Variants in TNC observed in about 807,000 individuals in gnomAD.
TNC encodes tenascin C, also known as tenascin.
TNC carries 109 observed loss-of-function variants against 202.4 expected under a neutral mutation model. That is an observed-to-expected ratio of 0.54 (90% CI 0.46 to 0.63). The LOEUF is 0.63. Among genes scored for constraint, TNC ranks in the 30% least tolerant of loss-of-function variants. TNC has a pLI of 0.00. For synonymous variants in TNC, 1,007 were observed against 1,089.7 expected (o/e 0.92, Z 1.50); for missense variants, 2,756 against 2,833.3 (o/e 0.97, Z 0.62).
At chr9:115,071,212 G>A (rs1537012) in intron 10 of TNC, among the ~76,000 whole-genome samples, 41,152 of 152,176 alleles carry the variant, frequency 0.27, 5,931 homozygotes, top group African/African-American at 0.37. Flanking sequence ...AGGGAAAGAA[G>A]CGTCTGCTTC....
chr9:115,026,434 G>T (rs1829486666), intron 26 of TNC, 100 bp downstream of exon 26: 4 of 1,277,472 alleles, frequency 3.1e-6, no homozygotes, highest in Admixed American at 2.2e-5. Flanking sequence ...TTAATAAATT[G>T]CTGGATTAAT....
chr9:115,023,615 AT>A, intron 27 of TNC, among the ~76,000 whole-genome samples: 1 of 152,348 alleles, frequency 6.6e-6, no homozygotes, highest in East Asian at 1.9e-4. Context: ...GATTCCAAAG[AT>A]GCCCCAGGCC....
chr9:115,041,375 G>A lies in TNC; in HGVS notation c.5249-291C>T, dbSNP rs530678944. On this transcript the variant is annotated intron_variant, in intron 18 of 27. Transcript: ENST00000350763. ...TTTCCGTTCAGTAGAGAGCTGGCAC[G>A]TTGTGCAAATTTTATCTTATTATTT... is the stretch of plus-strand genomic sequence containing the variant. Among the ~76,000 whole-genome samples the A allele has an allele frequency of 6.0e-5, 9 of 151,214 alleles. No homozygotes were observed. In the East Asian group the frequency reaches 9.8e-4, roughly 16 times the overall value.
rs1377727611 is a variant in TNC at position 115,087,193 on chromosome 9, A to G, written c.538T>C (p.Trp180Arg). ...EGCGCVCEPGWKGPNCSEPEC... is the reference protein window; with the variant it reads ...EGCGCVCEPGRKGPNCSEPEC... ...GGCTCAGAGCAGTTGGGGCCTTTCCAGCCAGGTTCGCAGACACAGCCACAT... is the reference window on the plus strand; with the variant it reads ...GGCTCAGAGCAGTTGGGGCCTTTCCGGCCAGGTTCGCAGACACAGCCACAT... Residue 180 changes from tryptophan to arginine, a missense_variant, in exon 3 of 28, where the codon TGG becomes CGG. This residue lies in a region of TNC where 2,559 missense variants were observed against 2,546.0 expected (regional missense o/e 1.01). Transcript: ENST00000350763. 3 of 1,614,098 alleles carry G rather than the reference A, an allele frequency of 1.9e-6. No homozygotes were observed. In the South Asian group the frequency reaches 3.3e-5, roughly 18 times the overall value.
intron 13 of TNC, 132 bp downstream of exon 13, chr9:115,062,785 C>CCAAGAATATTTAGCTAGTGAGG: frequency 2.9e-6 from 3 of 1,040,556 alleles, no homozygotes; most frequent in Non-Finnish European, 4.1e-6. Context: ...CAACACAGAC[C>CCAAGAATATTTAGCTAGTGAGG]TTCCTGAGTT....
At chr9:115,104,466 G>A (rs1836463244) in intron 1 of TNC, among the ~76,000 whole-genome samples, 1 of 152,218 alleles carries the variant, frequency 6.6e-6, no homozygotes, top group African/African-American at 2.4e-5. Context: ...AAGGCATTGT[G>A]ATGGGAGAGA....
At chr9:115,070,922 C>T (rs1369516696) in intron 10 of TNC, among the ~76,000 whole-genome samples, 1 of 152,232 alleles carries the variant, frequency 6.6e-6, no homozygotes, top group African/African-American at 2.4e-5. Flanking sequence ...CTATGTTTGC[C>T]TCTTATGTCT....
In TNC at chr9:115,086,248, C is replaced by A; in HGVS notation, c.1483G>T (p.Asp495Tyr). 2.5e-6 allele frequency: 4 copies of A among 1,614,278 alleles called. No homozygotes were observed. Among genetic ancestry groups the A allele is most frequent in the Non-Finnish European group, 3.4e-6 (4 of 1,180,056 alleles). Residue 495 changes from aspartate to tyrosine, a missense_variant, in exon 3 of 28, where the codon GAC (aspartate) becomes TAC (tyrosine). Transcript: ENST00000350763. ...CVCDDGYTGE[D>Y]CRDRQCPRDC... ...CTGGGGCATTGGCGATCCCGGCAGT[C>A]TTCCCCTGTGTAGCCGTCATCACAA...
chr9:115,042,451 C>T lies in TNC; in HGVS notation c.5126-110G>A, dbSNP rs1830838369. 3 of 1,440,458 alleles carry T rather than the reference C, an allele frequency of 2.1e-6. No homozygotes were observed. The African/African-American group carries it at 4.2e-5, about 20-fold the overall frequency. 89.2% of individuals were successfully genotyped at this position (1,440,458 alleles called of 1,614,324 possible). ...AAAACTCAGTGCCTAGAATTTGTGT[C>T]TGAGCCAAGCCTTTAGGATGGAGAA... On this transcript the variant is annotated intron_variant, in intron 17 of 27. Transcript: ENST00000350763.
chr9:115,039,143 G>A (rs112217905), intron 19 of TNC, among the ~76,000 whole-genome samples: 5 of 152,154 alleles, frequency 3.3e-5, no homozygotes, highest in Non-Finnish European at 5.9e-5. Context: ...AGCCTTTTCT[G>A]AGCTTTGAGT....
At chr9:115,099,609 T>C (rs1251766763) in intron 1 of TNC, among the ~76,000 whole-genome samples, 1 of 152,214 alleles carries the variant, frequency 6.6e-6, no homozygotes, top group Non-Finnish European at 1.5e-5. Context: ...ATCTGTAAAA[T>C]GGTAACACTA....
intron 10 of TNC, among the ~76,000 whole-genome samples, chr9:115,073,032 T>C (rs1564095183): frequency 6.6e-6 from 1 of 151,998 alleles, no homozygotes; most frequent in Non-Finnish European, 1.5e-5. Context: ...ATAGACAAAC[T>C]AGGTTAATGT....
chr9:115,036,268 C>T (rs375401116), intron 20 of TNC, 27 bp from the exon 21 acceptor site: 9 of 1,611,932 alleles, frequency 5.6e-6, no homozygotes, highest in South Asian at 2.2e-5. Flanking sequence ...CATACCAAGG[C>T]AGTCACCTCT....
intron 15 of TNC, 89 bp from the exon 16 acceptor site, chr9:115,048,621 CCAAGTCCATCATT>C: frequency 7.8e-7 from 1 of 1,286,516 alleles, no homozygotes; most frequent in South Asian, 1.5e-5. Context: ...CAATAGATAC[CCAAGTCCATCATT>C]CAATTTGTGT....
chr9:115,069,661 TCCCTC>T (rs1833252883), intron 10 of TNC, among the ~76,000 whole-genome samples: 1 of 18,364 alleles, frequency 5.4e-5, no homozygotes, highest in African/African-American at 2.9e-4. Context: ...CCTCCCTCCC[TCCCTC>T]CCTTCCTCCC....
intron 1 of TNC, among the ~76,000 whole-genome samples, chr9:115,109,710 C>G (rs1836892305): frequency 6.6e-6 from 1 of 152,228 alleles, no homozygotes; most frequent in Non-Finnish European, 1.5e-5. Flanking sequence ...CTGAAGGCCA[C>G]CTCTGAAAGC....
intron 1 of TNC, among the ~76,000 whole-genome samples, chr9:115,106,343 T>C (rs940747930): frequency 2.0e-5 from 3 of 152,182 alleles, no homozygotes; most frequent in Non-Finnish European, 2.9e-5. Flanking sequence ...AAGTCTATGC[T>C]CTTTCTGCTA....
intron 13 of TNC, among the ~76,000 whole-genome samples, chr9:115,060,998 G>A (rs972404672): frequency 5.3e-5 from 8 of 152,256 alleles, no homozygotes; most frequent in South Asian, 2.1e-4. Context: ...GAAATTTAAC[G>A]TAGTTGTTAT....
chr9:115,102,397 C>T (rs895894993), intron 1 of TNC, among the ~76,000 whole-genome samples: 11 of 152,298 alleles, frequency 7.2e-5, no homozygotes, highest in Non-Finnish European at 1.2e-4. Flanking sequence ...CTGACAGATA[C>T]ATTTGGGATG....
Sources: gnomAD v4.1 joint callset for allele counts (sites outside exome capture counted in the v4.1 genomes callset) on GRCh38, gnomAD v4.1.1 for gene constraint, gnomAD v4.1.1 regional missense constraint, MANE v1.5 for transcripts, NCBI Gene and HGNC (gene_info 2026-07-23, HGNC 2026-07-21) for gene names.